MAP4: variants seen among roughly 807,000 people sequenced by gnomAD.
The protein encoded by MAP4 is microtubule associated protein 4, also known as microtubule-associated protein 4.
MAP4 carries 76 observed loss-of-function variants against 170.2 expected under a neutral mutation model. That is an observed-to-expected ratio of 0.45 (90% CI 0.37 to 0.54). The LOEUF (loss-of-function observed/expected upper bound fraction) is 0.54, where lower values mean the gene tolerates loss of function less well. Among genes scored for constraint, MAP4 ranks in the 20% least tolerant of loss-of-function variants. The pLI, the probability that MAP4 is intolerant of heterozygous loss-of-function variation, is 0.00. For missense variants in MAP4, 2,506 were observed against 2,748.0 expected (o/e 0.91, Z 1.97); for synonymous variants, 909 against 994.5 (o/e 0.91, Z 1.62).
At chr3:48,035,179 C>T (rs2100118147) in intron 1 of MAP4, among the ~76,000 whole-genome samples, 1 of 125,674 alleles carries the variant, frequency 8.0e-6, no homozygotes, top group African/African-American at 2.9e-5. Context: ...TACCTTGGGT[C>T]TGATTTGTAT....
intron 10 of MAP4, among the ~76,000 whole-genome samples, chr3:47,889,274 G>A (rs1374318220): frequency 6.6e-6 from 1 of 152,236 alleles, no homozygotes; most frequent in Non-Finnish European, 1.5e-5. Context: ...CCTAACATGA[G>A]CTGTCTAGGC....
In MAP4 at chr3:47,918,912, TTTTTG is replaced by T. The variant is rs534366956; in HGVS notation, c.530-76_530-72del. 4.4e-4 allele frequency: 616 copies of T among 1,399,352 alleles called. 7 individuals are homozygous for T. The highest frequency in any genetic ancestry group is 2.6e-4 in the Admixed American group (13 of 49,918). The allele number at this position is 1,399,352 out of a possible 1,614,324, so 86.7% of individuals were successfully genotyped here. The stretch of plus-strand genomic sequence containing the variant: ...TTGGAAACAAAAGGTATTTGATATA[TTTTTG>T]TTTTGTTTTGTTTTGTTTGTTTTTT... On this transcript the variant is annotated intron_variant, in intron 5 of 20. Coordinates refer to ENST00000683076, the MANE Select transcript of MAP4 (RefSeq NM_001385682.1).
intron 1 of MAP4, among the ~76,000 whole-genome samples, chr3:48,076,805 GA>G (rs1221229154): frequency 1.3e-5 from 2 of 152,086 alleles, no homozygotes; most frequent in African/African-American, 4.8e-5. Context: ...AAGCAACCAA[GA>G]AAAAACTAGA....
At chr3:47,985,766 T>G (rs900001558) in intron 2 of MAP4, among the ~76,000 whole-genome samples, 5 of 152,120 alleles carry the variant, frequency 3.3e-5, no homozygotes. Context: ...TGAAGAGACA[T>G]GAAAACTAAC....
In MAP4 at chr3:47,911,132, C is replaced by T; in HGVS notation, c.3289G>A (p.Val1097Ile). Residue 1097 changes from valine to isoleucine, a missense_variant, in exon 9 of 21, where the codon GTT becomes ATT. Val to Ile is a conservative substitution (Grantham distance 29). Transcript: ENST00000683076. The surrounding 1 kb of genome is among the most constrained non-coding windows in gnomAD (Gnocchi z 4.0). ...LLDSQKDGRA[V>I]LIPSEPVSKT... ...GAGACTGGCTCACTCGGTATGAGAA[C>T]AGCCCTTCCGTCCTTCTGGCTGTCC... 1 of 1,536,142 alleles carries T rather than the reference C, an allele frequency of 6.5e-7. No homozygotes were observed. Among genetic ancestry groups the T allele is most frequent in the East Asian group, 2.4e-5 (1 of 40,916 alleles).
Position 47,875,743 on chromosome 3 carries a change from C to A in MAP4, c.5699G>T (p.Arg1900Leu). 7 of 1,613,832 alleles carry A rather than the reference C, an allele frequency of 4.3e-6. No homozygotes were observed. The highest frequency in any genetic ancestry group is 5.9e-6 in the Non-Finnish European group (7 of 1,179,998). The change falls in exon 12 of 21, where the codon CGC (arginine) becomes CTC (leucine). Residue 1900 changes from arginine (R) to leucine (L), a missense_variant. Arg to Leu is a moderately radical substitution (Grantham distance 102). Around this residue, in one of 3 missense-constraint regions of MAP4, gnomAD observed 487 missense variants for 511.6 expected, o/e 0.95. Transcript: ENST00000683076. ...AGGCCTGGCAGAGGCGACGGCAGGG[C>A]GTTTGGGTGGGGCAGCTGGCACTAA... ...SGLVPAAPPK[R>L]PAVASARPSI...
intron 10 of MAP4, among the ~76,000 whole-genome samples, chr3:47,898,611 G>C (rs932697812): frequency 2.0e-5 from 3 of 152,110 alleles, no homozygotes; most frequent in Non-Finnish European, 4.4e-5. Context: ...ATGCCACCTG[G>C]ATGACAAATG....
chr3:48,066,823 T>C (rs10571716), intron 1 of MAP4, among the ~76,000 whole-genome samples: 1 of 2,580 alleles, frequency 3.9e-4, no homozygotes, highest in Non-Finnish European at 1.3e-3. Flanking sequence ...CTCTAATTCC[T>C]TTTTTTTTTT....
intron 3 of MAP4, among the ~76,000 whole-genome samples, chr3:47,971,827 T>G (rs1173416348): frequency 6.6e-6 from 1 of 152,178 alleles, no homozygotes; most frequent in Non-Finnish European, 1.5e-5. Flanking sequence ...TAGAACACCC[T>G]CTAGCCTCCC....
At chr3:47,892,897 T>G (rs2100024777) in intron 10 of MAP4, 8 of 992,086 alleles carry the variant, frequency 8.1e-6, no homozygotes, top group Non-Finnish European at 9.6e-6. Flanking sequence ...CTCATTTATC[T>G]GATACCATGC....
chr3:48,057,642 AAAAG>A (rs1316085252), intron 1 of MAP4, among the ~76,000 whole-genome samples: 2 of 139,940 alleles, frequency 1.4e-5, no homozygotes, highest in Admixed American at 6.8e-5. Context: ...AAAAAGAAAA[AAAAG>A]AAAAAAAAAA....
At chr3:47,998,951 C>A in intron 1 of MAP4, 72 bp from the exon 2 acceptor site, 1 of 863,548 alleles carries the variant, frequency 1.2e-6, no homozygotes, top group Non-Finnish European at 1.9e-6. Context: ...AAACTCTTGT[C>A]AATTGTTTGA....
intron 3 of MAP4, among the ~76,000 whole-genome samples, chr3:47,936,649 A>T (rs1461111238): frequency 2.0e-5 from 3 of 152,034 alleles, no homozygotes; most frequent in Non-Finnish European, 4.4e-5. Flanking sequence ...ATCTAAACCA[A>T]AAAGAGATAT....
chr3:47,853,483 G>A (rs527649528), intron 19 of MAP4, 131 bp from the exon 20 acceptor site: 18 of 677,740 alleles, frequency 2.7e-5, no homozygotes, highest in South Asian at 2.0e-4. Context: ...AGGCACAGTC[G>A]CTTGGAGAAT....
At chr3:47,857,405 C>T in intron 18 of MAP4, 26 bp downstream of exon 18, 1 of 1,598,542 alleles carries the variant, frequency 6.3e-7, no homozygotes, top group African/African-American at 1.3e-5. Flanking sequence ...CCTGGAGACC[C>T]AGTGGGCAAG....
Position 47,909,970 on chromosome 3 carries a change from TTGG to T in MAP4, c.4448_4450del (p.Thr1483del). 6.2e-7 allele frequency: 1 copy of T among 1,614,040 alleles called. No individual in the cohort carries two copies. The highest frequency in any genetic ancestry group is 2.2e-5 in the East Asian group (1 of 44,888). ...TCTTTCTTGACCTGGGACTCCATCTTTGGTGTAGTTATCTACCATTAATGATTT... is the reference window on the plus strand; with the variant it reads ...TCTTTCTTGACCTGGGACTCCATCTTTGTAGTTATCTACCATTAATGATTT... On this transcript the variant is annotated inframe_deletion, in exon 9 of 21. Transcript: ENST00000683076.
Position 47,902,980 on chromosome 3 carries a change from C to T in MAP4, c.5404G>A (p.Val1802Ile). 2.0e-6 allele frequency: 2 copies of T among 985,186 alleles called. No individual in the cohort carries two copies. The highest frequency in any genetic ancestry group is 3.5e-5 in the African/African-American group (2 of 57,328). 61.0% of individuals were successfully genotyped at this position (985,186 alleles called of 1,614,324 possible). Reference sequence around the variant, plus strand: ...ACTGACATTCCCAGCTGCTGGTAGACAGTTGATGAGCTCAAGCAAACTGAA... The same window carrying T: ...ACTGACATTCCCAGCTGCTGGTAGATAGTTGATGAGCTCAAGCAAACTGAA... ...KSAVCLSSST[V>I]YQQLGMSVYG... The change falls in exon 10 of 21, where the codon GTC becomes ATC. Residue 1802 changes from valine (V) to isoleucine (I), a missense_variant. Coordinates refer to ENST00000683076, the MANE Select transcript of MAP4 (RefSeq NM_001385682.1).
chr3:48,054,645 A>G (rs1368906156), intron 1 of MAP4, among the ~76,000 whole-genome samples: 1 of 149,970 alleles, frequency 6.7e-6, no homozygotes, highest in Non-Finnish European at 1.5e-5. Flanking sequence ...AAAAAAAAAA[A>G]AAAAAAAAAA....
chr3:47,907,702 T>C (rs1441508912), intron 9 of MAP4, among the ~76,000 whole-genome samples: 1 of 152,212 alleles, frequency 6.6e-6, no homozygotes, highest in Non-Finnish European at 1.5e-5. Flanking sequence ...AATTACATGT[T>C]AACTTTTAGA....
Sources: gnomAD v4.1 joint callset for allele counts (sites outside exome capture counted in the v4.1 genomes callset) on GRCh38, gnomAD v4.1.1 for gene constraint, gnomAD v4.1.1 regional missense constraint, Gnocchi (gnomAD v3.1) non-coding constraint, MANE v1.5 for transcripts, NCBI Gene and HGNC (gene_info 2026-07-23, HGNC 2026-07-21) for gene names.